The following MED15 variants were observed in gnomAD, a reference collection of about 807,000 sequenced individuals.
MED15 encodes the protein mediator of RNA polymerase II transcription subunit 15.
In MED15, 41 loss-of-function variants were observed where a neutral mutation model predicts 118.7. The ratio of observed to expected loss-of-function variants is 0.35; its 90% CI spans 0.27 to 0.45. The LOEUF (loss-of-function observed/expected upper bound fraction) is 0.45, where lower values mean the gene tolerates loss of function less well. Ranked by LOEUF, MED15 falls within the 20% of genes least tolerant of loss-of-function variation. The pLI is 1.00. For missense variants in MED15, 740 were observed against 1,025.5 expected, an observed-to-expected ratio of 0.72 and a Z score of 3.80; for synonymous variants, 436 against 413.9, an observed-to-expected ratio of 1.05 and a Z score of -0.65.
At chr22:20,549,864 C>CT (rs1278649618) in intron 2 of MED15, among the ~76,000 whole-genome samples, 1 of 152,186 alleles carries the variant, frequency 6.6e-6, no homozygotes, top group Admixed American at 6.5e-5. Context: ...GCTGGGCTGG[C>CT]AGTGGGTCTT....
chr22:20,556,348 C>T (rs2056005817), intron 5 of MED15, among the ~76,000 whole-genome samples: 1 of 149,424 alleles, frequency 6.7e-6, no homozygotes, highest in Non-Finnish European at 1.5e-5. Flanking sequence ...GTTGCCCAGG[C>T]TGGAGTGCAG....
At position 20,564,595 on chromosome 22, in the gene MED15, G is replaced by C; in HGVS notation, c.597G>C (p.Gln199His). 1 of 1,611,176 alleles carries C rather than the reference G, an allele frequency of 6.2e-7. No homozygotes were observed. Among genetic ancestry groups the C allele is most frequent in the Non-Finnish European group, 8.5e-7 (1 of 1,178,338 alleles). The change falls in exon 6 of 18, where the codon CAG (glutamine) becomes CAC (histidine). Residue 199 changes from glutamine (Q) to histidine (H), a missense_variant. Physicochemically the swap from Gln to His is conservative, Grantham distance 24 (BLOSUM62 0). Coordinates refer to ENST00000263205, the MANE Select transcript of MED15 (RefSeq NM_001003891.3). ...CTCAGCAGAGTGCCATGCAGCAGCA[G>C]TTCCAAGCAGTAGTGCAGCAGCAGC... ...FQAQQSAMQQQFQAVVQQQQQ... is the reference protein window; with the variant it reads ...FQAQQSAMQQHFQAVVQQQQQ...
intron 1 of MED15, among the ~76,000 whole-genome samples, chr22:20,517,533 C>T (rs1190795706): frequency 1.3e-5 from 2 of 152,186 alleles, no homozygotes; most frequent in South Asian, 2.1e-4. Context: ...TTTCACTGCC[C>T]CCACCCCGCT....
intron 11 of MED15, 60 bp downstream of exon 11, chr22:20,583,027 T>TG (rs2057034753): frequency 1.3e-6 from 2 of 1,579,296 alleles, no homozygotes; most frequent in South Asian, 2.3e-5. Context: ...CAGCTCATAC[T>TG]GGGTGTGCGA....
chr22:20,524,830 A>T (rs2054577184), intron 1 of MED15, among the ~76,000 whole-genome samples: 1 of 151,774 alleles, frequency 6.6e-6, no homozygotes, highest in African/African-American at 2.4e-5. Flanking sequence ...TAGAGACGGG[A>T]TTTCGAACTC....
At position 20,513,027 on chromosome 22, in the gene MED15, A is replaced by G. The variant is rs559048783; in HGVS notation, c.68+5281A>G. 4.6e-5 allele frequency among the ~76,000 whole-genome samples: 7 copies of G among 151,942 alleles called. No individual in the cohort carries two copies. In the South Asian group the frequency reaches 6.2e-4, roughly 14 times the overall value. On this transcript the variant is annotated intron_variant, in intron 1 of 17. Coordinates refer to ENST00000263205, the MANE Select transcript of MED15 (RefSeq NM_001003891.3). ...AGTGCTGAGATTACAGACATGAGCC[A>G]CCACGCCCGGCCGGGTCACCTCTTG...
chr22:20,532,999 C>G (rs1038458072), intron 1 of MED15, among the ~76,000 whole-genome samples: 1 of 152,078 alleles, frequency 6.6e-6, no homozygotes, highest in Admixed American at 6.6e-5. Flanking sequence ...GACAGTGGCT[C>G]GAAGGGTTTT....
At position 20,517,572 on chromosome 22, in the gene MED15, T is replaced by G. The variant is rs189119118; in HGVS notation, c.68+9826T>G. ...CTTTTCACAGGCTTGGTGAGGAGTT[T>G]CCAGGTTGCACTTGGTTTGTTTGAA... is the stretch of plus-strand genomic sequence containing the variant. On this transcript the variant is annotated intron_variant, in intron 1 of 17. Transcript: ENST00000263205. 1.2e-3 allele frequency among the ~76,000 whole-genome samples: 188 copies of G among 152,308 alleles called. 3 individuals are homozygous for G. Among genetic ancestry groups the G allele is most frequent in the African/African-American group, 4.3e-3 (180 of 41,562 alleles).
At chr22:20,552,096 C>T (rs546643717) in intron 3 of MED15, among the ~76,000 whole-genome samples, 21 of 152,304 alleles carry the variant, frequency 1.4e-4, no homozygotes, top group African/African-American at 3.8e-4. Context: ...GTGTGTGTTA[C>T]GTGGAAGTAT....
At chr22:20,512,587 CTTTTTTTTTTTT>C (rs1001694854) in intron 1 of MED15, among the ~76,000 whole-genome samples, 4 of 91,510 alleles carry the variant, frequency 4.4e-5, no homozygotes, top group African/African-American at 1.3e-4. Flanking sequence ...TGAGTCACCT[CTTTTTTTTTTTT>C]TTTTTTTTTT....
intron 2 of MED15, among the ~76,000 whole-genome samples, chr22:20,538,174 T>G (rs1011428999): frequency 6.6e-6 from 1 of 152,198 alleles, no homozygotes; most frequent in Non-Finnish European, 1.5e-5. Context: ...TTCAAACTTT[T>G]GGCCCTACGC....
chr22:20,555,804 C>G (rs117176662), intron 5 of MED15, among the ~76,000 whole-genome samples: 4,470 of 152,332 alleles, frequency 0.029, 104 homozygotes, highest in Non-Finnish European at 0.044. Flanking sequence ...TCACTGCAGC[C>G]TGGACATCCT....
At chr22:20,560,705 A>G (rs572451478) in intron 5 of MED15, among the ~76,000 whole-genome samples, 3 of 152,222 alleles carry the variant, frequency 2.0e-5, no homozygotes, top group African/African-American at 7.2e-5. Context: ...CCCAGGGACT[A>G]TTTTGAGTGT....
At chr22:20,548,070 T>C (rs948805565) in intron 2 of MED15, among the ~76,000 whole-genome samples, 6 of 152,148 alleles carry the variant, frequency 3.9e-5, no homozygotes, top group African/African-American at 1.4e-4. Context: ...GCTGAACTCC[T>C]GGGTGTAAGC....
In MED15 at chr22:20,587,160, CTATGCTGCTTTGGGCAGG is replaced by C. The variant is rs2057159229; in HGVS notation, c.*458_*475del. On this transcript the variant is annotated 3_prime_UTR_variant, in exon 18 of 18. Coordinates refer to ENST00000263205, the MANE Select transcript of MED15 (RefSeq NM_001003891.3). ...CTCTGGTCACAGTTTTGGGTTCAGGCTATGCTGCTTTGGGCAGGTGGAGCACCCCCCGAGGAAGCCTGC... is the reference window on the plus strand; with the variant it reads ...CTCTGGTCACAGTTTTGGGTTCAGGCTGGAGCACCCCCCGAGGAAGCCTGC... The C allele has an allele frequency of 5.9e-6, 1 of 170,704 alleles. No individual in the cohort carries two copies. 10.6% of individuals were successfully genotyped at this position (170,704 alleles called of 1,614,324 possible). A position where few individuals can be genotyped will look rare whatever the true frequency, so the allele number is the denominator to read the frequency against.
At chr22:20,580,618 A>C (rs998341547) in intron 9 of MED15, among the ~76,000 whole-genome samples, 22 of 152,152 alleles carry the variant, frequency 1.4e-4, no homozygotes. Flanking sequence ...CATGGGGCCC[A>C]GAGTCTTTGC....
chr22:20,537,001 G>C, intron 1 of MED15, 116 bp from the exon 2 acceptor site: 2 of 844,894 alleles, frequency 2.4e-6, no homozygotes, highest in Middle Eastern at 3.3e-4. Flanking sequence ...AGGCTGGTGT[G>C]CTGGCGATAG....
intron 2 of MED15, among the ~76,000 whole-genome samples, chr22:20,542,286 A>G (rs1316702659): frequency 6.6e-6 from 1 of 152,264 alleles, no homozygotes; most frequent in Non-Finnish European, 1.5e-5. Context: ...TAGCATCATT[A>G]TAACATCATA....
intron 2 of MED15, among the ~76,000 whole-genome samples, chr22:20,538,133 G>A (rs1247216168): frequency 6.6e-6 from 1 of 152,208 alleles, no homozygotes; most frequent in African/African-American, 2.4e-5. Context: ...AATAAAAAGA[G>A]GTGCAGCTTC....
Sources: gnomAD v4.1 joint callset for allele counts (sites outside exome capture counted in the v4.1 genomes callset) on GRCh38, gnomAD v4.1.1 for gene constraint, MANE v1.5 for transcripts, NCBI Gene and HGNC (gene_info 2026-07-23, HGNC 2026-07-21) for gene names.